Variants in HPSE2 observed in about 807,000 individuals in gnomAD.
The protein encoded by HPSE2 is heparanase 2 (inactive), also known as inactive heparanase-2.
HPSE2 carries 38 observed loss-of-function variants against 60.5 expected under a neutral mutation model. That is an observed-to-expected ratio of 0.63 (90% CI 0.48 to 0.82). The LOEUF (loss-of-function observed/expected upper bound fraction) is 0.82, where lower values mean the gene tolerates loss of function less well. Ranked by LOEUF, HPSE2 falls within the 40% of genes least tolerant of loss-of-function variation. The pLI, the probability that HPSE2 is intolerant of heterozygous loss-of-function variation, is 0.00. For synonymous variants in HPSE2, 295 were observed against 293.2 expected, an observed-to-expected ratio of 1.01 and a Z score of -0.06; for missense variants, 713 against 740.4, an observed-to-expected ratio of 0.96 and a Z score of 0.43.
intron 3 of HPSE2, among the ~76,000 whole-genome samples, chr10:98,878,358 A>T (rs565497534): frequency 2.3e-4 from 35 of 152,098 alleles, no homozygotes; most frequent in African/African-American, 8.4e-4. Flanking sequence ...TCACTCAGCA[A>T]GTACTGTTGA....
chr10:98,557,865 CT>C, intron 9 of HPSE2, among the ~76,000 whole-genome samples: 1 of 152,186 alleles, frequency 6.6e-6, no homozygotes, highest in Non-Finnish European at 1.5e-5. Context: ...AGGAAAATCA[CT>C]TGAACCCAGG....
chr10:98,529,330 T>A (rs1242393776), intron 9 of HPSE2, among the ~76,000 whole-genome samples: 1 of 152,242 alleles, frequency 6.6e-6, no homozygotes, highest in Non-Finnish European at 1.5e-5. Flanking sequence ...AAATATTGAT[T>A]GATAGTGATC....
At chr10:98,803,306 G>A (rs1950961579) in intron 3 of HPSE2, among the ~76,000 whole-genome samples, 1 of 150,090 alleles carries the variant, frequency 6.7e-6, no homozygotes, top group African/African-American at 2.5e-5. Context: ...CTTTTGCTGT[G>A]CAGAAGCCCT....
intron 11 of HPSE2, among the ~76,000 whole-genome samples, chr10:98,477,178 G>T (rs998243796): frequency 5.9e-5 from 9 of 152,142 alleles, no homozygotes; most frequent in African/African-American, 2.2e-4. Flanking sequence ...AAGGGAGGCA[G>T]GAATTATTCT....
At chr10:98,722,763 A>ACC (rs1320838026) in intron 4 of HPSE2, among the ~76,000 whole-genome samples, 2 of 152,100 alleles carry the variant, frequency 1.3e-5, no homozygotes, top group Non-Finnish European at 2.9e-5. Flanking sequence ...TGGTGTGCAT[A>ACC]CCCCAGGAAA....
intron 3 of HPSE2, among the ~76,000 whole-genome samples, chr10:98,992,048 TTCTTA>T (rs1440832947): frequency 1.3e-5 from 2 of 152,342 alleles, no homozygotes; most frequent in South Asian, 2.1e-4. Context: ...TTGCATATTT[TTCTTA>T]TCTTGTCTTT....
chr10:98,669,871 T>C (rs1176970307), intron 6 of HPSE2, among the ~76,000 whole-genome samples: 1 of 152,066 alleles, frequency 6.6e-6, no homozygotes, highest in Admixed American at 6.6e-5. Context: ...AGGTGCCCCC[T>C]GAATCTAAAA....
At chr10:98,987,794 A>T (rs964080917) in intron 3 of HPSE2, among the ~76,000 whole-genome samples, 4 of 152,160 alleles carry the variant, frequency 2.6e-5, no homozygotes, top group African/African-American at 9.7e-5. Flanking sequence ...ACTTCAGCAA[A>T]GTCTCAGCAT....
At chr10:98,875,972 G>T (rs976301690) in intron 3 of HPSE2, among the ~76,000 whole-genome samples, 1 of 151,782 alleles carries the variant, frequency 6.6e-6, no homozygotes, top group African/African-American at 2.4e-5. Context: ...AAAAATACAG[G>T]TTTGCTAACT....
At chr10:98,574,007 A>G (rs1944573403) in intron 9 of HPSE2, among the ~76,000 whole-genome samples, 1 of 152,100 alleles carries the variant, frequency 6.6e-6, no homozygotes. Context: ...TTTTTACCCC[A>G]AAAAGAAACC....
intron 2 of HPSE2, among the ~76,000 whole-genome samples, chr10:99,160,207 T>C (rs1846769965): frequency 6.6e-6 from 1 of 151,208 alleles, no homozygotes; most frequent in Non-Finnish European, 1.5e-5. Context: ...TGATAAAATA[T>C]ATATAAAGAA....
At chr10:99,000,204 C>T (rs1956745903) in intron 3 of HPSE2, among the ~76,000 whole-genome samples, 1 of 152,074 alleles carries the variant, frequency 6.6e-6, no homozygotes, top group African/African-American at 2.4e-5. Flanking sequence ...TTAACTGTCA[C>T]TCAAATGTCA....
intron 3 of HPSE2, among the ~76,000 whole-genome samples, chr10:99,085,649 G>A (rs144764944): frequency 1.3e-5 from 2 of 152,058 alleles, no homozygotes; most frequent in Admixed American, 1.3e-4. Context: ...ATAAAAACTG[G>A]GTGTGTGTAT....
chr10:99,029,129 A>C (rs1957441897), intron 3 of HPSE2, among the ~76,000 whole-genome samples: 1 of 152,208 alleles, frequency 6.6e-6, no homozygotes, highest in East Asian at 1.9e-4. Context: ...AAACGGACAA[A>C]TGGGATCACA....
At chr10:98,960,701 C>CTTTTTTT in intron 3 of HPSE2, among the ~76,000 whole-genome samples, 140 of 57,318 alleles carry the variant, frequency 2.4e-3, no homozygotes, top group East Asian at 3.1e-3. Context: ...ATGTACATTT[C>CTTTTTTT]TTTTTTTTTT....
chr10:99,023,390 C>T (rs574238221), intron 3 of HPSE2, among the ~76,000 whole-genome samples: 2 of 152,204 alleles, frequency 1.3e-5, no homozygotes, highest in East Asian at 1.9e-4. Flanking sequence ...TCCAGGATGG[C>T]ACTTCTGGAC....
chr10:98,884,720 G>A (rs1262666443), intron 3 of HPSE2, among the ~76,000 whole-genome samples: 3 of 152,092 alleles, frequency 2.0e-5, no homozygotes, highest in African/African-American at 7.2e-5. Context: ...AGGTAGTGGG[G>A]TGTTGGCGAG....
chr10:99,275,279 G>A, the HPSE2 span, among the ~76,000 whole-genome samples: 1 of 152,104 alleles, frequency 6.6e-6, no homozygotes, highest in Non-Finnish European at 1.5e-5. Flanking sequence ...TTATTTTACC[G>A]TTTACAGTTA....
intron 6 of HPSE2, among the ~76,000 whole-genome samples, chr10:98,676,111 A>G (rs1401961134): frequency 6.6e-6 from 1 of 152,154 alleles, no homozygotes; most frequent in East Asian, 1.9e-4. Flanking sequence ...GTAAGTCTTT[A>G]ACAATAGCCC....
Sources: allele counts gnomAD v4.1 joint callset (sites outside exome capture counted in the v4.1 genomes callset), GRCh38; gene constraint gnomAD v4.1.1; transcripts MANE v1.5; gene names NCBI Gene and HGNC (gene_info 2026-07-23, HGNC 2026-07-21).